Variants in DCBLD2 observed in about 807,000 individuals in gnomAD.
The protein encoded by DCBLD2 is discoidin, CUB and LCCL domain containing 2, also known as discoidin, CUB and LCCL domain-containing protein 2.
DCBLD2 carries 54 observed loss-of-function variants against 86.8 expected under a neutral mutation model. That is an observed-to-expected ratio of 0.62 (90% CI 0.50 to 0.78). DCBLD2 has a LOEUF of 0.78. Ranked by LOEUF, DCBLD2 falls within the 30% of genes least tolerant of loss-of-function variation. The probability of loss-of-function intolerance (pLI) is 0.00; values close to 1 mark genes in which losing one functional copy is unlikely to be tolerated. For synonymous variants in DCBLD2, 354 were observed against 341.3 expected, an observed-to-expected ratio of 1.04 and a Z score of -0.41; for missense variants, 908 against 954.2, an observed-to-expected ratio of 0.95 and a Z score of 0.64.
intron 1 of DCBLD2, among the ~76,000 whole-genome samples, chr3:98,891,710 T>C (rs1559802258): frequency 6.6e-6 from 1 of 152,100 alleles, no homozygotes; most frequent in Non-Finnish European, 1.5e-5. Context: ...TCCACAGTCC[T>C]GAACTATAGG....
intron 2 of DCBLD2, among the ~76,000 whole-genome samples, chr3:98,870,677 AG>A (rs71625283): frequency 3.3e-5 from 5 of 150,412 alleles, no homozygotes; most frequent in African/African-American, 4.9e-5. Flanking sequence ...AGAGAGAGAG[AG>A]AAATAGAGAA....
In DCBLD2 at chr3:98,901,503, G is replaced by A; in HGVS notation, c.-177C>T. 3.9e-6 allele frequency: 2 copies of A among 516,818 alleles called. No individual in the cohort carries two copies. Among genetic ancestry groups the A allele is most frequent in the African/African-American group, 2.0e-5 (1 of 49,872 alleles). 32.0% of individuals were successfully genotyped at this position (516,818 alleles called of 1,614,324 possible). A position where few individuals can be genotyped will look rare whatever the true frequency, so the allele number is the denominator to read the frequency against. On this transcript the variant is annotated 5_prime_UTR_variant, in exon 1 of 16. In the 5' UTR this introduces an upstream ATG that the reference lacks. Coordinates refer to ENST00000326840, the MANE Select transcript of DCBLD2 (RefSeq NM_080927.4). Reference sequence around the variant, plus strand: ...CCCCGCTTTCACCTACTCCTCCTTCGTCCCTTCCCTCCGCTCCCCGCGCCG... The same window carrying A: ...CCCCGCTTTCACCTACTCCTCCTTCATCCCTTCCCTCCGCTCCCCGCGCCG...
chr3:98,822,572 AGATAAG>A lies in DCBLD2; in HGVS notation c.696+91_696+96del, dbSNP rs1207359312. On this transcript the variant is annotated intron_variant, in intron 5 of 15. Coordinates refer to ENST00000326840, the MANE Select transcript of DCBLD2 (RefSeq NM_080927.4). The stretch of plus-strand genomic sequence containing the variant: ...TTAAAAAATGTCTTAAAAAGGCAAA[AGATAAG>A]GATATATGATTAACACACCTCTAAC... 1.9e-4 allele frequency: 247 copies of A among 1,314,214 alleles called. 2 individuals carry two copies. The highest frequency in any genetic ancestry group is 1.3e-3 in the South Asian group (82 of 64,358). The allele number at this position is 1,314,214 out of a possible 1,614,324, so 81.4% of individuals were successfully genotyped here.
intron 3 of DCBLD2, among the ~76,000 whole-genome samples, chr3:98,843,857 A>G (rs2107477320): frequency 6.6e-6 from 1 of 152,320 alleles, no homozygotes; most frequent in Non-Finnish European, 1.5e-5. Flanking sequence ...ATTTCACATG[A>G]AATTTTAAAC....
At chr3:98,858,945 C>A in intron 2 of DCBLD2, among the ~76,000 whole-genome samples, 1 of 152,154 alleles carries the variant, frequency 6.6e-6, no homozygotes, top group Non-Finnish European at 1.5e-5. Flanking sequence ...ACCTGGGAAG[C>A]GCGTGGGGTC....
At chr3:98,872,726 G>T (rs181111040) in intron 2 of DCBLD2, among the ~76,000 whole-genome samples, 1 of 151,962 alleles carries the variant, frequency 6.6e-6, no homozygotes, top group Admixed American at 6.6e-5. Context: ...AAATTGAAAA[G>T]CAGCACCTAG....
In DCBLD2 at chr3:98,796,115, G is replaced by C. The variant is rs564983260; in HGVS notation, c.*3257C>G. 6.6e-6 allele frequency: 1 copy of C among 152,636 alleles called. No individual in the cohort carries two copies. The highest frequency in any genetic ancestry group is 1.9e-4 in the East Asian group (1 of 5,174). 9.5% of individuals were successfully genotyped at this position (152,636 alleles called of 1,614,324 possible). A position where few individuals can be genotyped will look rare whatever the true frequency, so the allele number is the denominator to read the frequency against. ...AATTCTAGCAACATATACAAATACT[G>C]AGTGACTACAGTACATGCCGAGGTA... On this transcript the variant is annotated 3_prime_UTR_variant, in exon 16 of 16. Coordinates refer to ENST00000326840, the MANE Select transcript of DCBLD2 (RefSeq NM_080927.4).
chr3:98,859,481 G>A (rs1441504968), intron 2 of DCBLD2, among the ~76,000 whole-genome samples: 1 of 152,156 alleles, frequency 6.6e-6, no homozygotes, highest in African/African-American at 2.4e-5. Flanking sequence ...CCCCCAGTAG[G>A]GGCAGACTGA....
intron 3 of DCBLD2, among the ~76,000 whole-genome samples, chr3:98,825,821 CAA>C (rs1214921057): frequency 6.6e-6 from 1 of 151,644 alleles, no homozygotes; most frequent in Non-Finnish European, 1.5e-5. Context: ...AAAATAATGA[CAA>C]AGAGAGTTAA....
chr3:98,881,605 G>C lies in DCBLD2; in HGVS notation c.368C>G (p.Ser123Cys). The C allele has an allele frequency of 6.2e-7, 1 of 1,613,878 alleles. No homozygotes were observed. The highest frequency in any genetic ancestry group is 1.3e-5 in the African/African-American group (1 of 75,014). The change falls in exon 2 of 16, where the codon TCT becomes TGT. Residue 123 changes from serine to cysteine, a missense_variant. Around this residue, in one of 3 missense-constraint regions of DCBLD2, gnomAD observed 294 missense variants for 256.0 expected, o/e 1.15. Transcript: ENST00000326840. Reference sequence around the variant, plus strand: ...CAAGTAATTAAAGTGACAAGAATCAGAATCTTCAATGTCAAAGTCACCAAA... The same window carrying C: ...CAAGTAATTAAAGTGACAAGAATCACAATCTTCAATGTCAAAGTCACCAAA... ...IKFGDFDIED[S>C]DSCHFNYLRI... is the part of the protein sequence containing the mutation.
intron 13 of DCBLD2, 43 bp downstream of exon 13, chr3:98,808,038 C>G (rs1337593727): frequency 1.4e-6 from 2 of 1,412,370 alleles, no homozygotes; most frequent in Non-Finnish European, 1.9e-6. Flanking sequence ...TTCTACTTCA[C>G]ATTTGGTAGT....
chr3:98,896,097 C>T (rs1943745709), intron 1 of DCBLD2, among the ~76,000 whole-genome samples: 1 of 152,234 alleles, frequency 6.6e-6, no homozygotes, highest in Admixed American at 6.5e-5. Flanking sequence ...ATAATTCAAG[C>T]AGCAAATCAA....
At chr3:98,819,464 A>G in intron 7 of DCBLD2, 47 bp from the exon 8 acceptor site, 1 of 1,599,154 alleles carries the variant, frequency 6.3e-7, no homozygotes, top group East Asian at 2.2e-5. Context: ...ATAATTTCAA[A>G]ATGCATGTAG....
intron 2 of DCBLD2, among the ~76,000 whole-genome samples, chr3:98,881,280 C>T (rs920298781): frequency 7.4e-6 from 1 of 134,860 alleles, no homozygotes; most frequent in Non-Finnish European, 1.6e-5. Flanking sequence ...AAAAAAAAAA[C>T]AGAGAATTAA....
chr3:98,817,948 G>C, intron 8 of DCBLD2, 55 bp from the exon 9 acceptor site: 1 of 1,591,798 alleles, frequency 6.3e-7, no homozygotes, highest in Non-Finnish European at 8.6e-7. Flanking sequence ...CCCTAAGTTT[G>C]TTCAGCATCA....
Position 98,896,730 on chromosome 3 carries a change from C to T in DCBLD2, c.205+4392G>A, listed in dbSNP as rs535513665. On this transcript the variant is annotated intron_variant, in intron 1 of 15. Coordinates refer to ENST00000326840, the MANE Select transcript of DCBLD2 (RefSeq NM_080927.4). Reference sequence around the variant, plus strand: ...AAAAATAAATACAAAGTCCTATGGCCGTAAGGTTGTTATAAAGAAAACCGA... The same window carrying T: ...AAAAATAAATACAAAGTCCTATGGCTGTAAGGTTGTTATAAAGAAAACCGA... 9.9e-4 allele frequency among the ~76,000 whole-genome samples: 150 copies of T among 152,006 alleles called. 1 individual carries two copies. Among genetic ancestry groups the T allele is most frequent in the African/African-American group, 2.7e-3 (111 of 41,500 alleles).
At chr3:98,842,400 G>GC (rs1942637971) in intron 3 of DCBLD2, among the ~76,000 whole-genome samples, 1 of 152,102 alleles carries the variant, frequency 6.6e-6, no homozygotes, top group Non-Finnish European at 1.5e-5. Context: ...ATAGGAATCT[G>GC]GCATTGATTT....
intron 2 of DCBLD2, among the ~76,000 whole-genome samples, chr3:98,868,630 C>T (rs1023400857): frequency 1.3e-5 from 2 of 151,962 alleles, no homozygotes; most frequent in African/African-American, 2.4e-5. Flanking sequence ...TCTGAGTCTC[C>T]GATGTCCATT....
At chr3:98,815,335 T>C (rs1335170542) in intron 9 of DCBLD2, 3 of 152,144 alleles carry the variant, frequency 2.0e-5, no homozygotes, top group African/African-American at 7.2e-5. Flanking sequence ...TAGAACAGTA[T>C]TGTCTCAGTG....
Sources: allele counts gnomAD v4.1 joint callset (sites outside exome capture counted in the v4.1 genomes callset), GRCh38; gene constraint gnomAD v4.1.1; regional missense constraint gnomAD v4.1.1; transcripts MANE v1.5; gene names NCBI Gene and HGNC (gene_info 2026-07-23, HGNC 2026-07-21).